Variants in HDAC9 observed in about 807,000 individuals in gnomAD.
The protein encoded by HDAC9 is MEF-2 interacting transcription repressor (MITR) protein.
A neutral mutation model predicts 139.4 loss-of-function variants in HDAC9; 41 were observed. The observed-to-expected ratio is 0.29, with a 90% CI of 0.23 to 0.38. HDAC9 has a LOEUF of 0.38. Among genes scored for constraint, HDAC9 ranks in the 10% least tolerant of loss-of-function variants. HDAC9 has a pLI of 1.00. For missense variants in HDAC9, 1,147 were observed against 1,297.0 expected, an observed-to-expected ratio of 0.88 and a Z score of 1.78; for synonymous variants, 517 against 476.2, an observed-to-expected ratio of 1.09 and a Z score of -1.12.
intron 11 of HDAC9, among the ~76,000 whole-genome samples, chr7:18,659,320 T>C (rs530720849): frequency 6.6e-6 from 1 of 152,270 alleles, no homozygotes; most frequent in South Asian, 2.1e-4. Flanking sequence ...GTGACAGTCT[T>C]TAATTATTAT....
chr7:18,901,219 T>TAC (rs1262098910), intron 22 of HDAC9, among the ~76,000 whole-genome samples: 381 of 130,872 alleles, frequency 2.9e-3, no homozygotes, highest in African/African-American at 4.3e-3. Flanking sequence ...TATATATATA[T>TAC]ATACACACAC....
intron 2 of HDAC9, among the ~76,000 whole-genome samples, chr7:18,193,912 G>A (rs552706368): frequency 1.3e-5 from 2 of 152,228 alleles, no homozygotes; most frequent in East Asian, 3.9e-4. Flanking sequence ...AAGTGTTTGT[G>A]CAAAGCATAT....
At chr7:18,530,215 A>G (rs1007394179) in intron 2 of HDAC9, among the ~76,000 whole-genome samples, 2 of 152,164 alleles carry the variant, frequency 1.3e-5, no homozygotes, top group African/African-American at 4.8e-5. Context: ...GTGAACCATG[A>G]TCATGCCACT....
chr7:18,957,632 G>A (rs1407095467), intron 24 of HDAC9, among the ~76,000 whole-genome samples: 31 of 152,226 alleles, frequency 2.0e-4, no homozygotes, highest in Non-Finnish European at 4.0e-4. Context: ...ATAATTTCTG[G>A]AGGGTAACAG....
At chr7:18,732,481 G>A (rs1171340431) in intron 13 of HDAC9, among the ~76,000 whole-genome samples, 1 of 132,532 alleles carries the variant, frequency 7.5e-6, no homozygotes, top group African/African-American at 2.9e-5. Context: ...TATATACAGT[G>A]TATATATGTG....
intron 16 of HDAC9, among the ~76,000 whole-genome samples, chr7:18,768,380 G>A (rs905884459): frequency 1.2e-4 from 19 of 152,094 alleles, no homozygotes; most frequent in Non-Finnish European, 2.1e-4. Flanking sequence ...CTCCCTCTGG[G>A]TAAGCAGCGC....
At chr7:18,593,497 A>C (rs1831574034) in intron 5 of HDAC9, among the ~76,000 whole-genome samples, 1 of 152,116 alleles carries the variant, frequency 6.6e-6, no homozygotes, top group Non-Finnish European at 1.5e-5. Context: ...ACTATCTAGC[A>C]ATTTTTTAAA....
chr7:18,210,098 G>A (rs1584651413), intron 2 of HDAC9, among the ~76,000 whole-genome samples: 1 of 151,772 alleles, frequency 6.6e-6, no homozygotes, highest in Admixed American at 6.6e-5. Context: ...CCTTTTGTCT[G>A]AAATAATAAA....
intron 24 of HDAC9, among the ~76,000 whole-genome samples, chr7:18,967,503 C>A (rs1384164908): frequency 7.9e-5 from 11 of 139,522 alleles, no homozygotes; most frequent in East Asian, 2.3e-4. Context: ...GTTGCCCCCC[C>A]CCCAAAAAAA....
At chr7:18,507,692 C>T (rs1473528079) in intron 2 of HDAC9, among the ~76,000 whole-genome samples, 2 of 152,054 alleles carry the variant, frequency 1.3e-5, no homozygotes, top group Non-Finnish European at 2.9e-5. Flanking sequence ...GGTTTCTTCA[C>T]ATTGGTCAGG....
chr7:18,737,326 A>G (rs1414558825), intron 13 of HDAC9, among the ~76,000 whole-genome samples: 2 of 152,076 alleles, frequency 1.3e-5, no homozygotes, highest in African/African-American at 2.4e-5. Flanking sequence ...CTGTGATATT[A>G]GGGTCTTGAT....
At chr7:18,416,665 CTTCAA>C (rs1236236992) in intron 1 of HDAC9, among the ~76,000 whole-genome samples, 2 of 151,976 alleles carry the variant, frequency 1.3e-5, no homozygotes, top group African/African-American at 2.4e-5. Flanking sequence ...TCTTCAAGTT[CTTCAA>C]TTCAATTGAA....
intron 5 of HDAC9, among the ~76,000 whole-genome samples, chr7:18,593,115 G>A (rs1008621304): frequency 6.6e-6 from 1 of 151,990 alleles, no homozygotes; most frequent in African/African-American, 2.4e-5. Flanking sequence ...GCCAGTTATA[G>A]CTAGAAGAAA....
intron 1 of HDAC9, among the ~76,000 whole-genome samples, chr7:18,307,561 G>A (rs1033901313): frequency 6.6e-6 from 1 of 152,152 alleles, no homozygotes; most frequent in Admixed American, 6.5e-5. Flanking sequence ...CCAGCACTTT[G>A]GGAGTGTGAG....
At chr7:18,799,621 G>A (rs972826123) in intron 17 of HDAC9, among the ~76,000 whole-genome samples, 3 of 152,158 alleles carry the variant, frequency 2.0e-5, no homozygotes, top group Non-Finnish European at 4.4e-5. Context: ...TTCTGGATTT[G>A]AAAAACACGA....
intron 25 of HDAC9, among the ~76,000 whole-genome samples, chr7:18,989,143 A>C (rs1246377215): frequency 7.0e-6 from 1 of 143,656 alleles, no homozygotes; most frequent in Non-Finnish European, 1.5e-5. Flanking sequence ...TCGTTGATGC[A>C]GTTTCTTCCT....
rs370088051 is a variant in HDAC9, at chr7:18,748,829, T to A, written c.1910-176T>A. Among the ~76,000 whole-genome samples the A allele has an allele frequency of 2.4e-3, 359 of 152,344 alleles. 1 individual carries two copies. The highest frequency in any genetic ancestry group is 8.6e-3 in the African/African-American group (356 of 41,584). The stretch of plus-strand genomic sequence containing the variant: ...TCGTGTTTTTGAGTAAATATCCAGA[T>A]AGACAGGTCTCAATAGTTCTTATGT... On this transcript the variant is annotated intron_variant, in intron 13 of 25. Transcript: ENST00000686413.
intron 2 of HDAC9, among the ~76,000 whole-genome samples, chr7:18,175,820 C>T (rs1223547996): frequency 7.7e-6 from 1 of 130,010 alleles, no homozygotes; most frequent in African/African-American, 2.8e-5. Flanking sequence ...TTATATAAGG[C>T]TCTTGCTGCT....
Position 18,767,116 on chromosome 7 carries a change from T to C in HDAC9, c.2175T>C (p.Ser725=), listed in dbSNP as rs753039088. The change falls in exon 16 of 26, where the codon TCT becomes TCC. Residue 725 remains serine (S), a synonymous_variant. Coordinates refer to ENST00000686413, the MANE Select transcript of HDAC9 (RefSeq NM_178425.4). Reference sequence around the variant, plus strand: ...CTTCTTACTGTATAGGTGATGACTCTCAAAAGTTTTTTTCCTCATTACCTT... The same window carrying C: ...CTTCTTACTGTATAGGTGATGACTCCCAAAAGTTTTTTTCCTCATTACCTT... ...LDPRILLGDD[S]QKFFSSLPCG... The C allele has an allele frequency of 6.4e-7, 1 of 1,567,534 alleles. No individual in the cohort carries two copies. Among genetic ancestry groups the C allele is most frequent in the Non-Finnish European group, 8.7e-7 (1 of 1,149,828 alleles).
Sources: allele counts gnomAD v4.1 joint callset (sites outside exome capture counted in the v4.1 genomes callset), GRCh38; gene constraint gnomAD v4.1.1; transcripts MANE v1.5; gene names NCBI Gene and HGNC (gene_info 2026-07-23, HGNC 2026-07-21).